CAPZB: variants seen among roughly 807,000 people sequenced by gnomAD.
CAPZB encodes F-actin-capping protein subunit beta.
CAPZB carries 2 observed loss-of-function variants against 38.1 expected under a neutral mutation model. The observed-to-expected ratio is 0.05, with a 90% CI of 0.02 to 0.17. CAPZB has a LOEUF of 0.17. Ranked by LOEUF, CAPZB falls within the 10% of genes least tolerant of loss-of-function variation. CAPZB has a pLI of 1.00. For synonymous variants in CAPZB, 107 were observed against 127.4 expected (o/e 0.84, Z 1.08); for missense variants, 161 against 334.2 (o/e 0.48, Z 4.04).
rs200080441 is a variant in CAPZB, at chr1:19,346,995, TA to T, written c.589-1744del. The stretch of plus-strand genomic sequence containing the variant: ...CCCACCACCACGTCCGGCTTTTTTT[TA>T]TTTTTATTTTTATTTTTTATTTTTA... On this transcript the variant is annotated intron_variant, in intron 6 of 8. Coordinates refer to ENST00000264202, the MANE Select transcript of CAPZB (RefSeq NM_004930.5). 1.9e-3 allele frequency among the ~76,000 whole-genome samples: 281 copies of T among 149,476 alleles called. 4 individuals carry two copies. Among genetic ancestry groups the T allele is most frequent in the Middle Eastern group, 3.4e-3 (1 of 292 alleles).
chr1:19,388,281 G>A (rs1349355290), intron 2 of CAPZB, among the ~76,000 whole-genome samples: 1 of 152,166 alleles, frequency 6.6e-6, no homozygotes, highest in Non-Finnish European at 1.5e-5. Context: ...TCACTAGAAT[G>A]TAAGTTTTAC....
intron 4 of CAPZB, among the ~76,000 whole-genome samples, chr1:19,370,162 C>CCACT (rs1304970903): frequency 6.6e-6 from 1 of 152,240 alleles, no homozygotes; most frequent in Non-Finnish European, 1.5e-5. Flanking sequence ...GTTCCGGCCT[C>CCACT]CACTCACTGC....
chr1:19,378,598 C>G lies in CAPZB; in HGVS notation c.271G>C (p.Ala91Pro), dbSNP rs1287229316. The change falls in exon 4 of 9, where the codon GCT becomes CCT. Residue 91 changes from alanine to proline, a missense_variant. Coordinates refer to ENST00000264202, the MANE Select transcript of CAPZB (RefSeq NM_004930.5). ...TCCACCTCCAGCTTTCTCAGCCGAGCTGACGGCATGGCCCCATCCTCCAAG... is the reference window on the plus strand; with the variant it reads ...TCCACCTCCAGCTTTCTCAGCCGAGGTGACGGCATGGCCCCATCCTCCAAG... ...PPLEDGAMPS[A>P]RLRKLEVEAN... The G allele has an allele frequency of 6.2e-7, 1 of 1,613,664 alleles. No individual in the cohort carries two copies. Among genetic ancestry groups the G allele is most frequent in the Non-Finnish European group, 8.5e-7 (1 of 1,179,634 alleles).
At chr1:19,422,040 A>G (rs1303525405) in intron 1 of CAPZB, among the ~76,000 whole-genome samples, 1 of 152,164 alleles carries the variant, frequency 6.6e-6, no homozygotes, top group African/African-American at 2.4e-5. Flanking sequence ...ATACAAAGCT[A>G]CGTATTCTCT....
At chr1:19,459,804 G>C in intron 1 of CAPZB, among the ~76,000 whole-genome samples, 1 of 152,174 alleles carries the variant, frequency 6.6e-6, no homozygotes, top group Non-Finnish European at 1.5e-5. Flanking sequence ...GCTCTGAGTA[G>C]CATGATGACA....
At chr1:19,480,693 G>C (rs562227144) in intron 1 of CAPZB, among the ~76,000 whole-genome samples, 1 of 152,156 alleles carries the variant, frequency 6.6e-6, no homozygotes, top group Non-Finnish European at 1.5e-5. Context: ...CAAGGAATTC[G>C]GGCCTGACAT....
At chr1:19,376,205 T>C (rs1422443087) in intron 4 of CAPZB, among the ~76,000 whole-genome samples, 2 of 152,140 alleles carry the variant, frequency 1.3e-5, no homozygotes, top group African/African-American at 4.8e-5. Context: ...AGCCTCCTCA[T>C]AGAACAGAAG....
At chr1:19,434,705 G>C (rs971953182) in intron 1 of CAPZB, among the ~76,000 whole-genome samples, 3 of 152,138 alleles carry the variant, frequency 2.0e-5, no homozygotes. Flanking sequence ...CGAAATGGGA[G>C]GATCACTTGA....
At chr1:19,344,576 C>G in intron 7 of CAPZB, 142 bp from the exon 8 acceptor site, 1 of 679,956 alleles carries the variant, frequency 1.5e-6, no homozygotes, top group Non-Finnish European at 2.6e-6. Flanking sequence ...AGTGAGCGCG[C>G]TCCAGGCTGC....
chr1:19,379,064 C>A (rs1480304187), intron 3 of CAPZB, among the ~76,000 whole-genome samples: 1 of 151,050 alleles, frequency 6.6e-6, no homozygotes, highest in Non-Finnish European at 1.5e-5. Flanking sequence ...TACCCGCTTT[C>A]TCAGTTTTGT....
intron 1 of CAPZB, among the ~76,000 whole-genome samples, chr1:19,430,248 T>G (rs1487374195): frequency 6.6e-6 from 1 of 152,162 alleles, no homozygotes; most frequent in Non-Finnish European, 1.5e-5. Context: ...AGAGGAAAAC[T>G]TAGCAACCTA....
At chr1:19,464,232 G>C (rs900211532) in intron 1 of CAPZB, among the ~76,000 whole-genome samples, 1 of 150,070 alleles carries the variant, frequency 6.7e-6, no homozygotes, top group Non-Finnish European at 1.5e-5. Flanking sequence ...AGCAAAGGAG[G>C]AAAGGAAGAA....
At chr1:19,360,733 A>G (rs1270093416) in intron 4 of CAPZB, among the ~76,000 whole-genome samples, 1 of 152,176 alleles carries the variant, frequency 6.6e-6, no homozygotes, top group Non-Finnish European at 1.5e-5. Context: ...TTCCACTCCA[A>G]TGTCCCACCC....
intron 6 of CAPZB, among the ~76,000 whole-genome samples, chr1:19,352,676 G>A (rs61766685): frequency 0.039 from 5,917 of 152,348 alleles, 142 homozygotes; most frequent in African/African-American, 0.049. Flanking sequence ...TGATCCGGCC[G>A]GCCTGCGGCT....
chr1:19,426,253 T>C (rs1250022937), intron 1 of CAPZB, among the ~76,000 whole-genome samples: 1 of 152,238 alleles, frequency 6.6e-6, no homozygotes, highest in Non-Finnish European at 1.5e-5. Context: ...CTGTGCCACA[T>C]TCTTTAAAAT....
intron 2 of CAPZB, among the ~76,000 whole-genome samples, chr1:19,392,494 G>C (rs1222701832): frequency 6.7e-6 from 1 of 149,746 alleles, no homozygotes; most frequent in Non-Finnish European, 1.5e-5. Context: ...CCAAGTGTGA[G>C]GGCAGGCCCT....
At chr1:19,432,042 C>CAAAAAAAAAAAA (rs10583269) in intron 1 of CAPZB, among the ~76,000 whole-genome samples, 14 of 122,552 alleles carry the variant, frequency 1.1e-4, no homozygotes, top group African/African-American at 2.2e-4. Flanking sequence ...GATCCTGTCT[C>CAAAAAAAAAAAA]AAAAAAAAAA....
chr1:19,423,728 C>T (rs2094410835), intron 1 of CAPZB, among the ~76,000 whole-genome samples: 1 of 151,822 alleles, frequency 6.6e-6, no homozygotes, highest in Non-Finnish European at 1.5e-5. Context: ...CACTTTGTTA[C>T]CCAGGCTGGA....
chr1:19,468,907 A>C (rs2094577272), intron 1 of CAPZB, among the ~76,000 whole-genome samples: 1 of 152,144 alleles, frequency 6.6e-6, no homozygotes, highest in South Asian at 2.1e-4. Context: ...TGAATCTCTC[A>C]GCGAGACGCC....
Sources: gnomAD v4.1 joint callset for allele counts (sites outside exome capture counted in the v4.1 genomes callset) on GRCh38, gnomAD v4.1.1 for gene constraint, MANE v1.5 for transcripts, NCBI Gene and HGNC (gene_info 2026-07-23, HGNC 2026-07-21) for gene names.